Variants in BBOX1 observed in about 807,000 individuals in gnomAD.
BBOX1 encodes the protein gamma-butyrobetaine hydroxylase 1, also known as gamma-butyrobetaine dioxygenase.
In BBOX1, 35 loss-of-function variants were observed where a neutral mutation model predicts 41.6. The ratio of observed to expected loss-of-function variants is 0.84; its 90% CI spans 0.64 to 1.11. BBOX1 has a LOEUF of 1.11. Ranked by LOEUF, BBOX1 falls within the 50% of genes most tolerant of loss-of-function variation. BBOX1 has a pLI of 0.00. For missense variants in BBOX1, 458 were observed against 460.6 expected (o/e 0.99, Z 0.05); for synonymous variants, 163 against 154.7 (o/e 1.05, Z -0.40).
chr11:27,057,157 G>T (rs1400431458), intron 3 of BBOX1, 44 bp from the exon 4 acceptor site: 2 of 1,352,750 alleles, frequency 1.5e-6, no homozygotes, highest in South Asian at 2.8e-5. Context: ...GTGGAGAACG[G>T]AAATAAAATC....
In BBOX1 at chr11:27,044,392, A is replaced by G. The variant is rs986696606; in HGVS notation, c.-39+2914A>G. On this transcript the variant is annotated intron_variant, in intron 2 of 8. Transcript: ENST00000263182. ...TTTTCTCCCATTCGGTAGGTTGTCT[A>G]TTCACTCTGATGATAGTTCTGCTGT... is the stretch of plus-strand genomic sequence containing the variant. Among the ~76,000 whole-genome samples the G allele has an allele frequency of 5.9e-5, 9 of 152,104 alleles. No individual in the cohort carries two copies. The South Asian group carries it at 6.2e-4, about 11-fold the overall frequency.
intron 5 of BBOX1, among the ~76,000 whole-genome samples, chr11:27,113,792 C>T (rs1319671790): frequency 1.3e-5 from 2 of 149,588 alleles, no homozygotes; most frequent in Admixed American, 1.3e-4. Flanking sequence ...TGCACATGTA[C>T]CCCTGAACCT....
intron 2 of BBOX1, among the ~76,000 whole-genome samples, chr11:27,042,590 CCTT>C (rs1385282377): frequency 1.3e-5 from 2 of 152,148 alleles, no homozygotes; most frequent in African/African-American, 2.4e-5. Context: ...CTCAAACAAT[CCTT>C]CTGCTCCGGC....
At chr11:27,075,944 C>A (rs2134004577) in intron 4 of BBOX1, among the ~76,000 whole-genome samples, 1 of 152,366 alleles carries the variant, frequency 6.6e-6, no homozygotes, top group East Asian at 1.9e-4. Flanking sequence ...GAGCTGCAGA[C>A]TTTCCCCACT....
intron 4 of BBOX1, among the ~76,000 whole-genome samples, chr11:27,075,782 G>A (rs561839158): frequency 6.6e-6 from 1 of 152,192 alleles, no homozygotes; most frequent in Admixed American, 6.5e-5. Flanking sequence ...CAGTCACCCT[G>A]AAGTGTTCCA....
intron 6 of BBOX1, among the ~76,000 whole-genome samples, chr11:27,116,244 T>C (rs1207389896): frequency 1.3e-5 from 2 of 151,776 alleles, no homozygotes; most frequent in African/African-American, 2.4e-5. Flanking sequence ...CACCGCATGT[T>C]CTCGCCTATA....
intron 4 of BBOX1, among the ~76,000 whole-genome samples, chr11:27,077,084 A>C (rs1857656623): frequency 6.6e-6 from 1 of 151,994 alleles, no homozygotes; most frequent in African/African-American, 2.4e-5. Flanking sequence ...CCCACCCTTA[A>C]GTTCTGGCCA....
chr11:27,080,304 G>T (rs1857792712), intron 4 of BBOX1, among the ~76,000 whole-genome samples: 1 of 151,998 alleles, frequency 6.6e-6, no homozygotes, highest in South Asian at 2.1e-4. Context: ...ACAGCAATTT[G>T]TATGGGTCCT....
At chr11:27,070,466 A>G (rs1450998020) in intron 4 of BBOX1, among the ~76,000 whole-genome samples, 1 of 152,030 alleles carries the variant, frequency 6.6e-6, no homozygotes, top group Non-Finnish European at 1.5e-5. Flanking sequence ...TATATTTAGG[A>G]TTGTAATATC....
At chr11:27,093,447 G>A in intron 5 of BBOX1, 81 bp downstream of exon 5, 1 of 1,374,572 alleles carries the variant, frequency 7.3e-7, no homozygotes, top group Non-Finnish European at 1.0e-6. Context: ...CGCCTTGATT[G>A]AAGATACAGA....
Position 27,042,179 on chromosome 11 carries a change from C to T in BBOX1, c.-39+701C>T, listed in dbSNP as rs192429315. 4.5e-4 allele frequency among the ~76,000 whole-genome samples: 68 copies of T among 152,160 alleles called. No individual in the cohort carries two copies. The South Asian group carries it at 0.011, about 24-fold the overall frequency. On this transcript the variant is annotated intron_variant, in intron 2 of 8. Transcript: ENST00000263182. The stretch of plus-strand genomic sequence containing the variant: ...CTTTGCATTACATCAGAAAACAAAG[C>T]CTTGATAATTTGATTTCCAATCTGA...
chr11:27,097,311 C>T (rs1858473497), intron 5 of BBOX1, among the ~76,000 whole-genome samples: 2 of 151,994 alleles, frequency 1.3e-5, no homozygotes, highest in African/African-American at 4.8e-5. Flanking sequence ...TATGACATGA[C>T]TTAATCCATT....
rs535131893 is a variant in BBOX1, at chr11:27,043,087, G to A, written c.-39+1609G>A. 4.6e-5 allele frequency among the ~76,000 whole-genome samples: 7 copies of A among 151,322 alleles called. No individual in the cohort carries two copies. The East Asian group carries it at 7.8e-4, about 17-fold the overall frequency. ...TATTTATTTATTTTTTTTTTGAGAC[G>A]GAGTCTCACTCTGTCGCCCAGGCTG... On this transcript the variant is annotated intron_variant, in intron 2 of 8. Transcript: ENST00000263182.
chr11:27,101,777 A>G (rs1858670212), intron 5 of BBOX1, among the ~76,000 whole-genome samples: 1 of 152,154 alleles, frequency 6.6e-6, no homozygotes, highest in African/African-American at 2.4e-5. Context: ...ACAACATGAC[A>G]TTTTGATTGC....
At chr11:27,107,137 G>A (rs972663075) in intron 5 of BBOX1, among the ~76,000 whole-genome samples, 15 of 152,016 alleles carry the variant, frequency 9.9e-5, no homozygotes, top group African/African-American at 3.6e-4. Flanking sequence ...GAGAAAGCAG[G>A]AAAGATCTAA....
intron 5 of BBOX1, among the ~76,000 whole-genome samples, chr11:27,105,362 G>A (rs146666756): frequency 0.052 from 7,914 of 152,170 alleles, 336 homozygotes; most frequent in South Asian, 0.21. Context: ...TTAGACAAAT[G>A]GCTAACTAGA....
Position 27,055,601 on chromosome 11 carries a change from T to G in BBOX1, c.171T>G (p.Ala57=), listed in dbSNP as rs1464367446. ...SAKARKLLVE[A]LDVNIGIKGL... ...AAGCACGGAAACTTCTAGTGGAAGC[T>G]CTTGATGTGAACATTGGAATTAAAG... is the stretch of plus-strand genomic sequence containing the variant. Residue 57 remains alanine, a synonymous_variant, in exon 3 of 9, where the codon GCT becomes GCG. Transcript: ENST00000263182. 1 of 1,614,062 alleles carries G rather than the reference T, an allele frequency of 6.2e-7. No homozygotes were observed. Among genetic ancestry groups the G allele is most frequent in the East Asian group, 2.2e-5 (1 of 44,894 alleles).
At chr11:27,127,172 G>T in intron 8 of BBOX1, 121 bp from the exon 9 acceptor site, 2 of 1,101,016 alleles carry the variant, frequency 1.8e-6, no homozygotes, top group Non-Finnish European at 2.6e-6. Flanking sequence ...TTCATGTAAA[G>T]AAATAAGCGA....
At chr11:27,107,352 T>C (rs901043987) in intron 5 of BBOX1, among the ~76,000 whole-genome samples, 6 of 151,924 alleles carry the variant, frequency 3.9e-5, no homozygotes, top group African/African-American at 1.5e-4. Flanking sequence ...GCAAGACTAA[T>C]AAAGAAGAAA....
Sources: gnomAD v4.1 joint callset for allele counts (sites outside exome capture counted in the v4.1 genomes callset) on GRCh38, gnomAD v4.1.1 for gene constraint, MANE v1.5 for transcripts, NCBI Gene and HGNC (gene_info 2026-07-23, HGNC 2026-07-21) for gene names.